Variants in ARHGAP22 observed in about 807,000 individuals in gnomAD.
ARHGAP22 encodes the protein rho GTPase-activating protein 22.
ARHGAP22 carries 48 observed loss-of-function variants against 59.1 expected under a neutral mutation model. The observed-to-expected ratio is 0.81, with a 90% CI of 0.64 to 1.03. ARHGAP22 has a LOEUF of 1.03. ARHGAP22 is among the 50% of genes least tolerant of loss of function. The pLI is 0.00. For missense variants in ARHGAP22, 1,015 were observed against 958.7 expected (o/e 1.06, Z -0.78); for synonymous variants, 445 against 416.4 (o/e 1.07, Z -0.84).
chr10:48,439,028 G>GTT, the ARHGAP22 span: 1 of 152,128 alleles, frequency 6.6e-6, no homozygotes, highest in East Asian at 1.9e-4. Context: ...TCCCTGGACT[G>GTT]TGACATCTAT....
chr10:48,458,898 G>A (rs1410389699), intron 5 of ARHGAP22, among the ~76,000 whole-genome samples: 1 of 152,150 alleles, frequency 6.6e-6, no homozygotes, highest in Non-Finnish European at 1.5e-5. Context: ...GCAGTGACGG[G>A]CCTGGGAAAG....
At chr10:48,491,748 G>A (rs1463544562) in intron 3 of ARHGAP22, among the ~76,000 whole-genome samples, 2 of 152,268 alleles carry the variant, frequency 1.3e-5, no homozygotes, top group Non-Finnish European at 2.9e-5. Context: ...GTGAACACTT[G>A]TGGGATCTTG....
intron 1 of ARHGAP22, among the ~76,000 whole-genome samples, chr10:48,617,762 A>G (rs1385650018): frequency 6.6e-6 from 1 of 152,056 alleles, no homozygotes; most frequent in Non-Finnish European, 1.5e-5. Flanking sequence ...AAATAAACCT[A>G]GTAATGCCTC....
At chr10:48,600,212 C>T (rs1246550936) in intron 1 of ARHGAP22, among the ~76,000 whole-genome samples, 1 of 152,180 alleles carries the variant, frequency 6.6e-6, no homozygotes, top group Non-Finnish European at 1.5e-5. Flanking sequence ...TCCTTCCTTC[C>T]TTAAAGAGGA....
At chr10:48,516,615 A>G (rs1473361965) in intron 3 of ARHGAP22, among the ~76,000 whole-genome samples, 2 of 152,230 alleles carry the variant, frequency 1.3e-5, no homozygotes, top group Non-Finnish European at 1.5e-5. Flanking sequence ...AATTCCTAGA[A>G]AGGCACAAAC....
the ARHGAP22 span, chr10:48,438,810 T>G: frequency 6.6e-6 from 1 of 152,240 alleles, no homozygotes; most frequent in African/African-American, 2.4e-5. Flanking sequence ...CTGTATGTCT[T>G]GCAAAATTGT....
intron 3 of ARHGAP22, among the ~76,000 whole-genome samples, chr10:48,505,886 G>A (rs575181622): frequency 8.6e-4 from 131 of 152,306 alleles, no homozygotes; most frequent in African/African-American, 3.0e-3. Flanking sequence ...AGGGCCTGTG[G>A]CTCTCCACAC....
At chr10:48,593,864 G>A (rs774373718) in intron 1 of ARHGAP22, among the ~76,000 whole-genome samples, 6 of 152,202 alleles carry the variant, frequency 3.9e-5, no homozygotes, top group African/African-American at 2.4e-5. Flanking sequence ...GCGGGTGCTC[G>A]TGTTTGTACA....
intron 1 of ARHGAP22, among the ~76,000 whole-genome samples, chr10:48,601,643 T>C (rs1399233409): frequency 1.3e-5 from 2 of 152,232 alleles, no homozygotes; most frequent in East Asian, 1.9e-4. Flanking sequence ...AAAATTTTGG[T>C]TAGATTAACA....
chr10:48,460,107 G>A (rs914276881), intron 4 of ARHGAP22, among the ~76,000 whole-genome samples: 1 of 152,238 alleles, frequency 6.6e-6, no homozygotes, highest in African/African-American at 2.4e-5. Context: ...TGGGCTGCCT[G>A]TGGACAGACA....
At chr10:48,528,525 AGAG>A (rs559617847) in intron 3 of ARHGAP22, among the ~76,000 whole-genome samples, 55 of 152,320 alleles carry the variant, frequency 3.6e-4, no homozygotes, top group African/African-American at 1.3e-3. Context: ...AAAACTCTGC[AGAG>A]GAGAATGCTT....
chr10:48,433,329 T>C, the ARHGAP22 span, among the ~76,000 whole-genome samples: 1 of 152,330 alleles, frequency 6.6e-6, no homozygotes, highest in Admixed American at 6.5e-5. Context: ...AAAAATTGTA[T>C]ATGTTGGAGC....
chr10:48,643,752 TAA>T lies in ARHGAP22; in HGVS notation c.52+8480_52+8481del, dbSNP rs35924464. ...ATGTACCTAGAACTTAAAGTATAAT[TAA>T]AAAAAAAAAAATATATATATATATA... is the stretch of plus-strand genomic sequence containing the variant. On this transcript the variant is annotated intron_variant, in intron 1 of 9. Transcript: ENST00000435790. Among the ~76,000 whole-genome samples the T allele has an allele frequency of 2.9e-3, 409 of 141,218 alleles. 3 individuals carry two copies. The highest frequency in any genetic ancestry group is 4.2e-3 in the African/African-American group (161 of 38,486). The allele number at this position is 141,218 out of a possible 152,430, so 92.6% of individuals were successfully genotyped here.
intron 3 of ARHGAP22, among the ~76,000 whole-genome samples, chr10:48,523,532 G>A (rs1259032563): frequency 6.6e-6 from 1 of 152,196 alleles, no homozygotes; most frequent in South Asian, 2.1e-4. Context: ...AGGTTCCGCC[G>A]CGAGTTTTGG....
At chr10:48,585,665 A>T (rs2059385426) in intron 1 of ARHGAP22, among the ~76,000 whole-genome samples, 1 of 152,172 alleles carries the variant, frequency 6.6e-6, no homozygotes. Context: ...TGATAGATCT[A>T]TGGGTACCAC....
intron 3 of ARHGAP22, among the ~76,000 whole-genome samples, chr10:48,538,596 C>A (rs550367168): frequency 2.0e-5 from 3 of 152,266 alleles, no homozygotes; most frequent in African/African-American, 7.2e-5. Context: ...GAATAATGTG[C>A]TTTTGAGAAA....
intron 1 of ARHGAP22, among the ~76,000 whole-genome samples, chr10:48,648,656 G>A (rs2062416256): frequency 6.6e-6 from 1 of 152,206 alleles, no homozygotes; most frequent in African/African-American, 2.4e-5. Context: ...GTCTGAAAGA[G>A]GTGAGTCTGT....
At chr10:48,643,537 G>C (rs559628393) in intron 1 of ARHGAP22, among the ~76,000 whole-genome samples, 12 of 150,910 alleles carry the variant, frequency 8.0e-5, no homozygotes, top group African/African-American at 2.9e-4. Flanking sequence ...CTCACTCATA[G>C]GTCGGAATTG....
At position 48,567,955 on chromosome 10, in the gene ARHGAP22, A is replaced by T. The variant is rs575706312; in HGVS notation, c.235-12405T>A. ...TTTGTCCTTAGCTGATCACCTGGCCACATGAACAAAGAAGTTATAAAATCA... is the reference window on the plus strand; with the variant it reads ...TTTGTCCTTAGCTGATCACCTGGCCTCATGAACAAAGAAGTTATAAAATCA... On this transcript the variant is annotated intron_variant, in intron 2 of 9. Transcript: ENST00000249601. Among the ~76,000 whole-genome samples, 4 of 152,384 alleles carry T rather than the reference A, an allele frequency of 2.6e-5. No individual in the cohort carries two copies. In the South Asian group the frequency reaches 8.3e-4, roughly 32 times the overall value.
Sources: allele counts gnomAD v4.1 joint callset (sites outside exome capture counted in the v4.1 genomes callset), GRCh38; gene constraint gnomAD v4.1.1; transcripts MANE v1.5; gene names NCBI Gene and HGNC (gene_info 2026-07-23, HGNC 2026-07-21).